The following BICDL1 variants were observed in gnomAD, a reference collection of about 807,000 sequenced individuals.
The protein encoded by BICDL1 is BICD family-like cargo adapter 1.
Under a neutral mutation model 76.8 loss-of-function variants are expected in BICDL1, and 20 were observed. The observed-to-expected ratio is 0.26, with a 90% CI of 0.18 to 0.38. BICDL1 has a LOEUF of 0.38. Ranked by LOEUF, BICDL1 falls within the 10% of genes least tolerant of loss-of-function variation. BICDL1 has a pLI of 1.00. For missense variants in BICDL1, 700 were observed against 798.6 expected (o/e 0.88, Z 1.49); for synonymous variants, 383 against 337.1 (o/e 1.14, Z -1.49).
intron 9 of BICDL1, chr12:120,092,219 C>T: frequency 3.0e-6 from 3 of 985,458 alleles, no homozygotes; most frequent in African/African-American, 1.7e-5. Flanking sequence ...TGTCCACAGG[C>T]TTCTCTATGG....
At chr12:120,024,597 C>T (rs765486493) in intron 2 of BICDL1, among the ~76,000 whole-genome samples, 5 of 152,220 alleles carry the variant, frequency 3.3e-5, no homozygotes, top group Non-Finnish European at 7.3e-5. Flanking sequence ...GAAAACTACA[C>T]TGTCATTTAT....
chr12:120,079,025 C>G lies in BICDL1; in HGVS notation c.1453-1862C>G, dbSNP rs1359739032. Among the ~76,000 whole-genome samples the G allele has an allele frequency of 2.6e-5, 4 of 152,238 alleles. No homozygotes were observed. The East Asian group carries it at 5.8e-4, about 22-fold the overall frequency. ...GCCTTGTCTGCCTCGGGGCTAGATG[C>G]ATGTGTGTGCTGGGTAGCTGCAGGT... On this transcript the variant is annotated intron_variant, in intron 7 of 9. Transcript: ENST00000548673. The surrounding 1 kb of genome is among the most constrained non-coding windows in gnomAD (Gnocchi z 4.3).
chr12:120,092,922 T>A (rs1875106295), intron 9 of BICDL1, 78 bp from the exon 10 acceptor site: 3 of 1,484,856 alleles, frequency 2.0e-6, no homozygotes, highest in Non-Finnish European at 2.7e-6. Context: ...CTGTCTGATG[T>A]TCCCACCTCC....
chr12:120,069,861 C>T (rs933802879), intron 4 of BICDL1, among the ~76,000 whole-genome samples: 1 of 152,164 alleles, frequency 6.6e-6, no homozygotes, highest in Non-Finnish European at 1.5e-5. Flanking sequence ...ACCTCTACTC[C>T]AACGTTTTTC....
intron 8 of BICDL1, among the ~76,000 whole-genome samples, chr12:120,088,690 G>T (rs186552692): frequency 3.4e-5 from 5 of 146,084 alleles, no homozygotes; most frequent in Non-Finnish European, 6.0e-5. Context: ...TTTTTGAGAC[G>T]GAGTCTTGTT....
intron 7 of BICDL1, among the ~76,000 whole-genome samples, chr12:120,075,523 G>C (rs1873473393): frequency 6.6e-6 from 1 of 151,992 alleles, no homozygotes; most frequent in South Asian, 2.1e-4. Context: ...TGCCAAAGTA[G>C]CTGGGACTAC....
intron 2 of BICDL1, among the ~76,000 whole-genome samples, chr12:120,025,792 A>G (rs144456399): frequency 8.6e-4 from 131 of 152,238 alleles, no homozygotes; most frequent in African/African-American, 3.1e-3. Flanking sequence ...TATTAATAGT[A>G]TTGTGGTATA....
intron 7 of BICDL1, among the ~76,000 whole-genome samples, chr12:120,077,121 C>T (rs1873611862): frequency 6.6e-6 from 1 of 152,248 alleles, no homozygotes; most frequent in Non-Finnish European, 1.5e-5. Context: ...GAGCCTGTCA[C>T]CTGAGAGTGT....
chr12:120,021,701 TGG>T (rs1288241893), intron 2 of BICDL1, among the ~76,000 whole-genome samples: 165 of 150,856 alleles, frequency 1.1e-3, no homozygotes, highest in African/African-American at 3.6e-3. Flanking sequence ...GGTCTCCAGT[TGG>T]AGATCAACCT....
intron 8 of BICDL1, among the ~76,000 whole-genome samples, chr12:120,082,869 G>A (rs928930539): frequency 2.6e-5 from 4 of 151,578 alleles, no homozygotes; most frequent in African/African-American, 7.3e-5. Flanking sequence ...GCGCCCAGCC[G>A]TGTTTATTTT....
intron 2 of BICDL1, among the ~76,000 whole-genome samples, chr12:120,026,338 CAGT>C (rs1952301547): frequency 1.3e-5 from 2 of 151,996 alleles, no homozygotes; most frequent in South Asian, 4.1e-4. Flanking sequence ...TTAACATTAA[CAGT>C]TGTAGGTGAG....
At chr12:119,992,200 A>G (rs1951538626) in intron 1 of BICDL1, among the ~76,000 whole-genome samples, 1 of 152,218 alleles carries the variant, frequency 6.6e-6, no homozygotes, top group Admixed American at 6.5e-5. Flanking sequence ...AATGTTCATT[A>G]AAGATACTAA....
chr12:120,000,405 G>A (rs1378801954), intron 2 of BICDL1: 2 of 152,128 alleles, frequency 1.3e-5, no homozygotes, highest in Non-Finnish European at 2.9e-5. Flanking sequence ...TCAGCAACTG[G>A]GAATGGAATC....
At chr12:120,068,909 G>A (rs1016117930) in intron 4 of BICDL1, among the ~76,000 whole-genome samples, 2 of 152,248 alleles carry the variant, frequency 1.3e-5, no homozygotes, top group African/African-American at 4.8e-5. Context: ...ACACAGAAGG[G>A]GCCATGGAGA....
chr12:120,025,052 T>TC (rs1194266256), intron 2 of BICDL1, among the ~76,000 whole-genome samples: 5 of 148,164 alleles, frequency 3.4e-5, no homozygotes, highest in South Asian at 2.1e-4. Context: ...TTTCTTTCTT[T>TC]TTTTTTTTTT....
chr12:120,089,477 C>G (rs1209767991), intron 8 of BICDL1, among the ~76,000 whole-genome samples: 1 of 152,120 alleles, frequency 6.6e-6, no homozygotes, highest in Non-Finnish European at 1.5e-5. Flanking sequence ...CCTCCTTCTC[C>G]TGGGTTCAAG....
At chr12:120,070,940 G>A (rs1873047735) in intron 4 of BICDL1, among the ~76,000 whole-genome samples, 1 of 151,908 alleles carries the variant, frequency 6.6e-6, no homozygotes, top group African/African-American at 2.4e-5. Context: ...ATGTTGGCCA[G>A]GCTGGTCTCG....
intron 1 of BICDL1, among the ~76,000 whole-genome samples, chr12:119,995,985 C>CA (rs1256420336): frequency 0.032 from 3,297 of 103,228 alleles, 74 homozygotes; most frequent in Middle Eastern, 0.12. Flanking sequence ...GACTCCGTCT[C>CA]AAAAAAAAAA....
At chr12:120,025,986 C>T (rs778781347) in intron 2 of BICDL1, among the ~76,000 whole-genome samples, 1 of 151,966 alleles carries the variant, frequency 6.6e-6, no homozygotes, top group Non-Finnish European at 1.5e-5. Flanking sequence ...TACAGGTGTA[C>T]ACCAGTACGC....
Sources: allele counts gnomAD v4.1 joint callset (sites outside exome capture counted in the v4.1 genomes callset), GRCh38; gene constraint gnomAD v4.1.1; non-coding constraint Gnocchi (gnomAD v3.1); transcripts MANE v1.5; gene names NCBI Gene and HGNC (gene_info 2026-07-23, HGNC 2026-07-21).